Variants in IL13 observed in about 807,000 individuals in gnomAD.
IL13 encodes the protein interleukin 13.
IL13 carries 9 observed loss-of-function variants against 11.1 expected under a neutral mutation model. The observed-to-expected ratio is 0.81, with a 90% CI of 0.49 to 1.42. The LOEUF is 1.42. Ranked by LOEUF, IL13 falls within the 40% of genes most tolerant of loss-of-function variation. IL13 has a pLI of 0.00. For synonymous variants in IL13, 75 were observed against 76.9 expected, an observed-to-expected ratio of 0.97 and a Z score of 0.13; for missense variants, 181 against 182.5, an observed-to-expected ratio of 0.99 and a Z score of 0.05.
At position 132,658,313 on chromosome 5, in the gene IL13, C is replaced by T. The variant is rs879943037; in HGVS notation, c.127C>T (p.Leu43Phe). 6 of 1,611,512 alleles carry T rather than the reference C, an allele frequency of 3.7e-6. No homozygotes were observed. Among genetic ancestry groups the T allele is most frequent in the Non-Finnish European group, 5.1e-6 (6 of 1,177,684 alleles). ...SPGPVPPSTA[L>F]RELIEELVNI... ...AGGCCCTGTGCCTCCCTCTACAGCCCTCAGGGAGCTCATTGAGGAGCTGGT... is the reference window on the plus strand; with the variant it reads ...AGGCCCTGTGCCTCCCTCTACAGCCTTCAGGGAGCTCATTGAGGAGCTGGT... Residue 43 changes from leucine (L) to phenylalanine (F), a missense_variant, in exon 1 of 4, where the codon CTC (leucine) becomes TTC (phenylalanine). Leu to Phe is a conservative substitution (Grantham distance 22). Transcript: ENST00000304506.
upstream of IL13, among the ~76,000 whole-genome samples, chr5:132,657,573 A>C (rs796604332): frequency 2.6e-5 from 4 of 152,214 alleles, no homozygotes; most frequent in South Asian, 8.3e-4. Flanking sequence ...CTCTCAGTGG[A>C]GACCTGGAAA....
rs575619943 is a variant in IL13 at position 132,659,346 on chromosome 5, C to A, written c.175-72C>A. 130 of 1,121,728 alleles carry A rather than the reference C, an allele frequency of 1.2e-4. 1 individual carries two copies. The South Asian group carries it at 1.3e-3, about 11-fold the overall frequency. 69.5% of individuals were successfully genotyped at this position (1,121,728 alleles called of 1,614,324 possible). On this transcript the variant is annotated intron_variant, in intron 1 of 3. Transcript: ENST00000304506. This position sits in a 1 kb window ranked among gnomAD's most constrained non-coding sequence, Gnocchi z 4.1. ...CTTGTGGGGCCTGTGCTGGGGCAGACCTGGCCTGGGCTGCCAGGGCAGGCC... is the reference window on the plus strand; with the variant it reads ...CTTGTGGGGCCTGTGCTGGGGCAGAACTGGCCTGGGCTGCCAGGGCAGGCC...
rs1388250798 is a variant in IL13, at chr5:132,661,013, T to C, written c.*731T>C. The C allele has an allele frequency of 6.6e-6, 1 of 152,572 alleles. No homozygotes were observed. The highest frequency in any genetic ancestry group is 1.9e-4 in the East Asian group (1 of 5,340). 9.5% of individuals were successfully genotyped at this position (152,572 alleles called of 1,614,324 possible). ...ATTAAATATGTTAGCAAAGAGTTAA[T>C]ATATAGAAGGGTACCTTGAACACTG... On this transcript the variant is annotated 3_prime_UTR_variant, in exon 4 of 4. Coordinates refer to ENST00000304506, the MANE Select transcript of IL13 (RefSeq NM_002188.3).
chr5:132,658,713 T>TA (rs1752088184), intron 1 of IL13: 1 of 234,674 alleles, frequency 4.3e-6, no homozygotes, highest in Non-Finnish European at 8.3e-6. Context: ...ATTTTGACCA[T>TA]AACAATGCAG....
In IL13 at chr5:132,659,150, T is replaced by C. The variant is rs1752097156; in HGVS notation, c.175-268T>C. 2.2e-6 allele frequency: 1 copy of C among 454,136 alleles called. No individual in the cohort carries two copies. Among genetic ancestry groups the C allele is most frequent in the African/African-American group, 2.0e-5 (1 of 50,312 alleles). 28.1% of individuals were successfully genotyped at this position (454,136 alleles called of 1,614,324 possible). Reference sequence around the variant, plus strand: ...GGCCCCTGTCCTCCTGCCCTGACTATGGCAAGCCTTGCATGCAGCTTGTCC... The same window carrying C: ...GGCCCCTGTCCTCCTGCCCTGACTACGGCAAGCCTTGCATGCAGCTTGTCC... On this transcript the variant is annotated intron_variant, in intron 1 of 3. Transcript: ENST00000304506. The surrounding 1 kb of genome is among the most constrained non-coding windows in gnomAD (Gnocchi z 4.1).
In IL13 at chr5:132,659,492, G is replaced by A; in HGVS notation, c.228+21G>A. 1 of 1,602,594 alleles carries A rather than the reference G, an allele frequency of 6.2e-7. No homozygotes were observed. The highest frequency in any genetic ancestry group is 2.2e-5 in the East Asian group (1 of 44,802). On this transcript the variant is annotated intron_variant, in intron 2 of 3. Transcript: ENST00000304506. The surrounding 1 kb of genome is among the most constrained non-coding windows in gnomAD (Gnocchi z 4.1). ...GCATGGTAAGGACCTTTGGGTGCAG[G>A]GAGGATGGGGCAGAGGCTCCAGGCC...
chr5:132,657,404 C>G (rs918969223), upstream of IL13, among the ~76,000 whole-genome samples: 7 of 152,182 alleles, frequency 4.6e-5, no homozygotes, highest in African/African-American at 1.7e-4. Flanking sequence ...CTACTTCCAG[C>G]CACTCTGGAA....
chr5:132,660,120 C>A, intron 3 of IL13, 55 bp from the exon 4 acceptor site: 5 of 1,553,316 alleles, frequency 3.2e-6, no homozygotes, highest in South Asian at 1.1e-5. Flanking sequence ...CTGGTTTGTG[C>A]GAGTCGTCCC....
chr5:132,659,415 C>T lies in IL13; in HGVS notation c.175-3C>T. 6.2e-7 allele frequency: 1 copy of T among 1,606,152 alleles called. No individual in the cohort carries two copies. The stretch of plus-strand genomic sequence containing the variant: ...TCTGCTCACTGTCACTTTGCTCCCA[C>T]AGGCTCCGCTCTGCAATGGCAGCAT... On this transcript the variant is annotated splice_polypyrimidine_tract_variant and splice_region_variant and intron_variant, in intron 1 of 3. Coordinates refer to ENST00000304506, the MANE Select transcript of IL13 (RefSeq NM_002188.3). The surrounding 1 kb of genome is among the most constrained non-coding windows in gnomAD (Gnocchi z 4.1).
chr5:132,656,615 A>T (rs910373038), upstream of IL13: 1 of 152,378 alleles, frequency 6.6e-6, no homozygotes, highest in Non-Finnish European at 1.5e-5. Context: ...GGGCTCCGGG[A>T]GTTGCACAGA....
Position 132,659,816 on chromosome 5 carries a change from G to A in IL13, c.321G>A (p.Lys107=). 2 of 1,613,710 alleles carry A rather than the reference G, an allele frequency of 1.2e-6. No individual in the cohort carries two copies. The highest frequency in any genetic ancestry group is 1.7e-6 in the Non-Finnish European group (2 of 1,179,990). Reference sequence around the variant, plus strand: ...TGCTGAGCGGATTCTGCCCGCACAAGGTCTCAGCTGGGGTAAGGCATCCCC... The same window carrying A: ...TGCTGAGCGGATTCTGCCCGCACAAAGTCTCAGCTGGGGTAAGGCATCCCC... ...QRMLSGFCPH[K]VSAGQFSSLH... is the part of the protein sequence containing the mutation. Residue 107 remains lysine, a synonymous_variant, in exon 3 of 4, where the codon AAG becomes AAA. Transcript: ENST00000304506. The surrounding 1 kb of genome is among the most constrained non-coding windows in gnomAD (Gnocchi z 4.1).
upstream of IL13, among the ~76,000 whole-genome samples, chr5:132,657,723 A>G (rs1220512188): frequency 6.6e-6 from 1 of 152,198 alleles, no homozygotes; most frequent in African/African-American, 2.4e-5. Context: ...AGACTGGTTC[A>G]TCGAAAAAAT....
Position 132,659,969 on chromosome 5 carries a change from CGGG to C in IL13, c.333+142_333+144del. On this transcript the variant is annotated intron_variant, in intron 3 of 3. Transcript: ENST00000304506. This position sits in a 1 kb window ranked among gnomAD's most constrained non-coding sequence, Gnocchi z 4.1. ...ATTGTGGCAGCAGGGACGTGGCCTT[CGGG>C]ATTTACAGGATCTGGGCTCAAGGGC... The C allele has an allele frequency of 6.9e-7, 1 of 1,452,380 alleles. No homozygotes were observed. Among genetic ancestry groups the C allele is most frequent in the Non-Finnish European group, 9.1e-7 (1 of 1,094,128 alleles). The allele number at this position is 1,452,380 out of a possible 1,614,324, so 90.0% of individuals were successfully genotyped here. A position where few individuals can be genotyped will look rare whatever the true frequency, so the allele number is the denominator to read the frequency against.
Position 132,659,539 on chromosome 5 carries a change from CTCCCT to C in IL13, c.228+72_228+76del. On this transcript the variant is annotated intron_variant, in intron 2 of 3. Coordinates refer to ENST00000304506, the MANE Select transcript of IL13 (RefSeq NM_002188.3). This position sits in a 1 kb window ranked among gnomAD's most constrained non-coding sequence, Gnocchi z 4.1. ...GGCCTTGGGCTTATCTTCTCTGAGC[CTCCCT>C]TCCATGGCTGGGGTTCCAAGCAAGC... is the stretch of plus-strand genomic sequence containing the variant. 1 of 1,561,460 alleles carries C rather than the reference CTCCCT, an allele frequency of 6.4e-7. No homozygotes were observed. Among genetic ancestry groups the C allele is most frequent in the Non-Finnish European group, 8.8e-7 (1 of 1,140,352 alleles).
upstream of IL13, among the ~76,000 whole-genome samples, chr5:132,656,791 C>CA (rs1752041315): frequency 6.6e-6 from 1 of 152,106 alleles, no homozygotes. Flanking sequence ...TTCTGGGAGT[C>CA]AGAGCCAGCA....
chr5:132,658,828 A>G (rs1752090657), intron 1 of IL13: 1 of 172,392 alleles, frequency 5.8e-6, no homozygotes, highest in Non-Finnish European at 1.3e-5. Context: ...AGCACTGCTT[A>G]CACCAGGCCT....
At chr5:132,658,406 G>C in intron 1 of IL13, 46 bp downstream of exon 1, 2 of 1,224,556 alleles carry the variant, frequency 1.6e-6, no homozygotes, top group South Asian at 2.7e-5. Flanking sequence ...GCTCCAGGGT[G>C]GGTGATTCCC....
chr5:132,660,522 G>C lies in IL13; in HGVS notation c.*240G>C, dbSNP rs1752133407. The C allele has an allele frequency of 1.2e-5, 6 of 518,172 alleles. No homozygotes were observed. The highest frequency in any genetic ancestry group is 2.0e-5 in the Non-Finnish European group (6 of 301,292). 32.1% of individuals were successfully genotyped at this position (518,172 alleles called of 1,614,324 possible). A position where few individuals can be genotyped will look rare whatever the true frequency, so the allele number is the denominator to read the frequency against. ...TCTGTCCAGGGCCCTGAGCTCGGTG[G>C]ACCCAGGGATGACATGTCCCTACAC... On this transcript the variant is annotated 3_prime_UTR_variant, in exon 4 of 4. Transcript: ENST00000304506.
Position 132,659,365 on chromosome 5 carries a change from G to A in IL13, c.175-53G>A. On this transcript the variant is annotated intron_variant, in intron 1 of 3. Transcript: ENST00000304506. This position sits in a 1 kb window ranked among gnomAD's most constrained non-coding sequence, Gnocchi z 4.1. ...GGCAGACCTGGCCTGGGCTGCCAGG[G>A]CAGGCCCACAACCCCTGCCAGCACT... is the stretch of plus-strand genomic sequence containing the variant. The A allele has an allele frequency of 7.2e-7, 1 of 1,381,840 alleles. No individual in the cohort carries two copies. Among genetic ancestry groups the A allele is most frequent in the Non-Finnish European group, 1.0e-6 (1 of 985,028 alleles). The allele number at this position is 1,381,840 out of a possible 1,614,324, so 85.6% of individuals were successfully genotyped here.
Sources: allele counts gnomAD v4.1 joint callset (sites outside exome capture counted in the v4.1 genomes callset), GRCh38; gene constraint gnomAD v4.1.1; non-coding constraint Gnocchi (gnomAD v3.1); transcripts MANE v1.5; gene names NCBI Gene and HGNC (gene_info 2026-07-23, HGNC 2026-07-21).